ADAMTS20: variants seen among roughly 807,000 people sequenced by gnomAD.
ADAMTS20 encodes the protein ADAM metallopeptidase with thrombospondin type 1 motif 20.
A neutral mutation model predicts 260.1 loss-of-function variants in ADAMTS20; 225 were observed. That is an observed-to-expected ratio of 0.87 (90% CI 0.78 to 0.97). The LOEUF (loss-of-function observed/expected upper bound fraction) is 0.97. ADAMTS20 is among the 50% of genes least tolerant of loss of function. The pLI is 0.00. For missense variants in ADAMTS20, 2,400 were observed against 2,337.7 expected, an observed-to-expected ratio of 1.03 and a Z score of -0.55; for synonymous variants, 802 against 769.5, an observed-to-expected ratio of 1.04 and a Z score of -0.70.
At chr12:43,409,056 G>A (rs1210738166) in intron 28 of ADAMTS20, among the ~76,000 whole-genome samples, 1 of 152,032 alleles carries the variant, frequency 6.6e-6, no homozygotes, top group Admixed American at 6.6e-5. Flanking sequence ...TCCTGAGTGT[G>A]TTTTTATCAA....
chr12:43,399,537 A>G (rs1940768982), intron 28 of ADAMTS20, among the ~76,000 whole-genome samples: 1 of 152,194 alleles, frequency 6.6e-6, no homozygotes, highest in African/African-American at 2.4e-5. Context: ...TTTTAAGGTT[A>G]GACTATCCTC....
intron 2 of ADAMTS20, among the ~76,000 whole-genome samples, chr12:43,545,390 C>A (rs1412646295): frequency 1.3e-5 from 2 of 152,200 alleles, no homozygotes; most frequent in Non-Finnish European, 2.9e-5. Flanking sequence ...TTCAGCTGCA[C>A]AGTCCACGAG....
At position 43,551,739 on chromosome 12, in the gene ADAMTS20, A is replaced by T; in HGVS notation, c.91+92T>A. On this transcript the variant is annotated intron_variant, in intron 1 of 38. Transcript: ENST00000389420. The surrounding 1 kb of genome is among the most constrained non-coding windows in gnomAD (Gnocchi z 4.6). ...GCTCCAGCAGGGCCAGCGTTCCCCAACGGGCTGAGCCGCTCGTCCCCGCGA... is the reference window on the plus strand; with the variant it reads ...GCTCCAGCAGGGCCAGCGTTCCCCATCGGGCTGAGCCGCTCGTCCCCGCGA... 7.4e-7 allele frequency: 1 copy of T among 1,345,692 alleles called. No individual in the cohort carries two copies. Among genetic ancestry groups the T allele is most frequent in the South Asian group, 1.2e-5 (1 of 83,488 alleles). The allele number at this position is 1,345,692 out of a possible 1,614,324, so 83.4% of individuals were successfully genotyped here. A position where few individuals can be genotyped will look rare whatever the true frequency, so the allele number is the denominator to read the frequency against.
chr12:43,358,310 T>G (rs11182036), intron 37 of ADAMTS20, among the ~76,000 whole-genome samples: 34,311 of 152,130 alleles, frequency 0.23, 4,631 homozygotes, highest in African/African-American at 0.37. Context: ...CATTTCTCTG[T>G]ACTAATTTTC....
intron 8 of ADAMTS20, 81 bp downstream of exon 8, chr12:43,468,519 A>G: frequency 1.2e-6 from 1 of 861,548 alleles, no homozygotes; most frequent in Non-Finnish European, 1.9e-6. Flanking sequence ...GGTACTAATT[A>G]CTCAACTGAA....
At chr12:43,431,191 C>G (rs1941435122) in intron 22 of ADAMTS20, 141 bp downstream of exon 22, 1 of 719,340 alleles carries the variant, frequency 1.4e-6, no homozygotes, top group East Asian at 2.7e-5. Context: ...CATAAAGATT[C>G]ACATTTCAGG....
At chr12:43,506,756 G>T (rs992219356) in intron 3 of ADAMTS20, among the ~76,000 whole-genome samples, 1 of 151,124 alleles carries the variant, frequency 6.6e-6, no homozygotes, top group South Asian at 2.1e-4. Context: ...GGGATTACAG[G>T]CGTGAGCCAC....
intron 3 of ADAMTS20, among the ~76,000 whole-genome samples, chr12:43,506,513 C>T (rs1464488369): frequency 6.6e-6 from 1 of 151,464 alleles, no homozygotes; most frequent in Admixed American, 6.6e-5. Context: ...GGCAGAGTCT[C>T]GCCTCAGGCT....
Position 43,428,305 on chromosome 12 carries a change from T to A in ADAMTS20, c.3881A>T (p.Asn1294Ile), listed in dbSNP as rs530244814. The A allele has an allele frequency of 1.2e-6, 2 of 1,613,892 alleles. No individual in the cohort carries two copies. Among genetic ancestry groups the A allele is most frequent in the Non-Finnish European group, 1.7e-6 (2 of 1,179,894 alleles). Residue 1294 changes from asparagine (N) to isoleucine (I), a missense_variant, in exon 26 of 39, where the codon AAT becomes ATT. Transcript: ENST00000389420. ...NLPLTQKLED[N>I]ENQVVHPSVR... Reference sequence around the variant, plus strand: ...TGATGGATGGACCACCTGATTTTCATTATCTTCAAGTTTTTGAGTTAATGG... The same window carrying A: ...TGATGGATGGACCACCTGATTTTCAATATCTTCAAGTTTTTGAGTTAATGG...
At chr12:43,355,318 T>C (rs954532111) in intron 38 of ADAMTS20, among the ~76,000 whole-genome samples, 1 of 152,202 alleles carries the variant, frequency 6.6e-6, no homozygotes, top group Non-Finnish European at 1.5e-5. Flanking sequence ...GGAAAATATG[T>C]TTGCATTTCT....
rs144263395 is a variant in ADAMTS20 at position 43,466,794 on chromosome 12, G to A, written c.1225C>T (p.Leu409Phe). Residue 409 changes from leucine to phenylalanine, a missense_variant and splice_region_variant, in exon 9 of 39, where the codon CTT becomes TTT. Physicochemically the swap from Leu to Phe is conservative, Grantham distance 22. Coordinates refer to ENST00000389420, the MANE Select transcript of ADAMTS20 (RefSeq NM_025003.5). ...GGATTATCATCATGTTGAACACCAA[G>A]TCTAAAAATAAAAATAAACACTTAA... ...FTIAHELGHT[L>F]GVQHDDNPRC... is the part of the protein sequence containing the mutation. The A allele has an allele frequency of 6.3e-7, 1 of 1,583,662 alleles. No homozygotes were observed. Among genetic ancestry groups the A allele is most frequent in the Non-Finnish European group, 8.6e-7 (1 of 1,162,460 alleles).
At chr12:43,537,839 A>G (rs1943318158) in intron 2 of ADAMTS20, among the ~76,000 whole-genome samples, 1 of 152,196 alleles carries the variant, frequency 6.6e-6, no homozygotes, top group Non-Finnish European at 1.5e-5. Context: ...GTTAGAAATG[A>G]CTAGATCTCA....
At chr12:43,380,223 T>A (rs1168710991) in intron 31 of ADAMTS20, among the ~76,000 whole-genome samples, 1 of 152,102 alleles carries the variant, frequency 6.6e-6, no homozygotes, top group Non-Finnish European at 1.5e-5. Flanking sequence ...GACTAAACAT[T>A]TGACAAAATC....
At chr12:43,360,984 GT>G (rs1939855094) in intron 37 of ADAMTS20, among the ~76,000 whole-genome samples, 2 of 152,122 alleles carry the variant, frequency 1.3e-5, no homozygotes, top group African/African-American at 2.4e-5. Flanking sequence ...CATTACTTTT[GT>G]TTTTTAAAAG....
intron 4 of ADAMTS20, among the ~76,000 whole-genome samples, chr12:43,501,481 G>GCACA (rs3036317): frequency 0.027 from 3,217 of 117,794 alleles, 61 homozygotes; most frequent in African/African-American, 0.04. Flanking sequence ...GCGCGCGCGC[G>GCACA]CACACACACA....
Position 43,427,348 on chromosome 12 carries a change from GGACCACA to G in ADAMTS20, c.4060_4066del (p.Cys1354GlnfsTer23), listed in dbSNP as rs1941352501. On this transcript the variant is annotated frameshift_variant, in exon 27 of 39. Transcript: ENST00000389420. LOFTEE classifies it high-confidence loss of function. ...GTAGTTCCACTGTGGACAAGGCCCT[GGACCACA>G]TTGCTGTAACTCTGGAGGCTTGGAG... is the stretch of plus-strand genomic sequence containing the variant. 5.6e-6 allele frequency: 9 copies of G among 1,613,752 alleles called. No homozygotes were observed. Among genetic ancestry groups the G allele is most frequent in the African/African-American group, 1.3e-5 (1 of 74,902 alleles).
At chr12:43,427,544 ATC>A in intron 26 of ADAMTS20, 75 bp from the exon 27 acceptor site, 3 of 1,349,192 alleles carry the variant, frequency 2.2e-6, no homozygotes, top group Non-Finnish European at 3.0e-6. Flanking sequence ...AAAAAAAAAA[ATC>A]AGCATTGACT....
rs748982926 is a variant in ADAMTS20 at position 43,492,537 on chromosome 12, A to T, written c.1044T>A (p.Pro348=). Residue 348 remains proline, a synonymous_variant, in exon 6 of 39, where the codon CCT becomes CCA. Coordinates refer to ENST00000389420, the MANE Select transcript of ADAMTS20 (RefSeq NM_025003.5). ...TAAGAACAGCAGTGTCATGGTGGGA[A>T]GGGTGAACATCATCAAGGTCATTCT... ...QTQNDLDDVH[P]SHHDTAVLIT... 1 of 1,613,914 alleles carries T rather than the reference A, an allele frequency of 6.2e-7. No individual in the cohort carries two copies. The highest frequency in any genetic ancestry group is 8.5e-7 in the Non-Finnish European group (1 of 1,179,846).
At chr12:43,538,259 T>C (rs1356067367) in intron 2 of ADAMTS20, among the ~76,000 whole-genome samples, 1 of 152,248 alleles carries the variant, frequency 6.6e-6, no homozygotes, top group Non-Finnish European at 1.5e-5. Flanking sequence ...TGCATTTCTC[T>C]GATGATCAAT....
Sources: allele counts gnomAD v4.1 joint callset (sites outside exome capture counted in the v4.1 genomes callset), GRCh38; gene constraint gnomAD v4.1.1; non-coding constraint Gnocchi (gnomAD v3.1); transcripts MANE v1.5; gene names NCBI Gene and HGNC (gene_info 2026-07-23, HGNC 2026-07-21).